SDE2: variants seen among roughly 807,000 people sequenced by gnomAD.
SDE2 encodes splicing regulator SDE2.
Under a neutral mutation model 46.9 loss-of-function variants are expected in SDE2, and 31 were observed. The observed-to-expected ratio is 0.66, with a 90% CI of 0.50 to 0.89. SDE2 has a LOEUF of 0.89. SDE2 is among the 40% of genes least tolerant of loss of function. The pLI is 0.00. For missense variants in SDE2, 542 were observed against 564.4 expected, an observed-to-expected ratio of 0.96 and a Z score of 0.40; for synonymous variants, 205 against 204.3, an observed-to-expected ratio of 1.00 and a Z score of -0.03.
Position 225,991,420 on chromosome 1 carries a change from C to A in SDE2, c.521-57G>T, listed in dbSNP as rs1004042869. The A allele has an allele frequency of 2.9e-6, 4 of 1,397,688 alleles. No homozygotes were observed. In the South Asian group the frequency reaches 3.8e-5, roughly 13 times the overall value. 86.6% of individuals were successfully genotyped at this position (1,397,688 alleles called of 1,614,324 possible). A position where few individuals can be genotyped will look rare whatever the true frequency, so the allele number is the denominator to read the frequency against. On this transcript the variant is annotated intron_variant, in intron 4 of 6. Transcript: ENST00000272091. Reference sequence around the variant, plus strand: ...CTATAGGGACTAAGTTTAAAGAAATCATAAATAACATGGATTGCAAAAAGA... The same window carrying A: ...CTATAGGGACTAAGTTTAAAGAAATAATAAATAACATGGATTGCAAAAAGA...
chr1:225,987,023 G>GA (rs1656283429), intron 6 of SDE2, among the ~76,000 whole-genome samples: 1 of 152,138 alleles, frequency 6.6e-6, no homozygotes, highest in African/African-American at 2.4e-5. Context: ...CTTTTTGAGA[G>GA]AATGTACTAT....
chr1:225,992,341 C>G, intron 4 of SDE2, 57 bp downstream of exon 4: 1 of 1,364,348 alleles, frequency 7.3e-7, no homozygotes, highest in Non-Finnish European at 1.0e-6. Context: ...GTAGAGCAGT[C>G]TGAACAGCTG....
rs552823864 is a variant in SDE2 at position 225,992,439 on chromosome 1, C to T, written c.479G>A (p.Cys160Tyr). ...CFTSPDYQQQCHEMAERLEDS... is the reference protein window; with the variant it reads ...CFTSPDYQQQYHEMAERLEDS... The stretch of plus-strand genomic sequence containing the variant: ...CTCCAGACGCTCAGCCATCTCATGG[C>T]ACTGCTGCTGGTAGTCGGGGCTGGT... The change falls in exon 4 of 7, where the codon TGC (cysteine) becomes TAC (tyrosine). Residue 160 changes from cysteine (C) to tyrosine (Y), a missense_variant. By Grantham distance (194) the Cys-to-Tyr change is radical. This residue lies in a region of SDE2 where 401 missense variants were observed against 437.8 expected (regional missense o/e 0.92). Coordinates refer to ENST00000272091, the MANE Select transcript of SDE2 (RefSeq NM_152608.4). 12 of 1,613,778 alleles carry T rather than the reference C, an allele frequency of 7.4e-6. No individual in the cohort carries two copies. Among genetic ancestry groups the T allele is most frequent in the South Asian group, 1.1e-5 (1 of 91,084 alleles).
intron 2 of SDE2, among the ~76,000 whole-genome samples, chr1:225,993,285 C>T (rs116708868): frequency 1.3e-5 from 2 of 151,956 alleles, no homozygotes; most frequent in Admixed American, 6.6e-5. Context: ...ATTTGCATAC[C>T]GGTATAATAC....
chr1:225,986,250 G>A (rs1656265397), intron 6 of SDE2, among the ~76,000 whole-genome samples: 1 of 151,774 alleles, frequency 6.6e-6, no homozygotes, highest in Non-Finnish European at 1.5e-5. Flanking sequence ...GGAGACTGAG[G>A]CAGGAGAATC....
At chr1:225,998,141 G>A (rs114770505) in intron 1 of SDE2, among the ~76,000 whole-genome samples, 2,631 of 152,082 alleles carry the variant, frequency 0.017, 70 homozygotes, top group African/African-American at 0.06. Context: ...GTGGGGGAGG[G>A]GGAGAAAAGA....
In SDE2 at chr1:225,988,124, C is replaced by T. The variant is rs1656310442; in HGVS notation, c.906G>A (p.Gly302=). ...HILEDSCAEL[G]ESKEHMESRM... is the part of the protein sequence containing the mutation. The stretch of plus-strand genomic sequence containing the variant: ...TGCTTTCCATGTGCTCTTTGGACTC[C>T]CCCAGCTCAGCACATGAGTCTTCTA... The change falls in exon 6 of 7, where the codon GGG becomes GGA. Residue 302 remains glycine, a synonymous_variant. Transcript: ENST00000272091. 2.0e-5 allele frequency: 33 copies of T among 1,614,020 alleles called. No homozygotes were observed. Among genetic ancestry groups the T allele is most frequent in the Non-Finnish European group, 2.7e-5 (32 of 1,180,034 alleles).
intron 2 of SDE2, among the ~76,000 whole-genome samples, chr1:225,994,852 T>C (rs1656486033): frequency 6.6e-6 from 1 of 152,196 alleles, no homozygotes. Context: ...AAAGACAGCC[T>C]GGGCAACATG....
At chr1:225,999,014 A>C (rs1656594155) in intron 1 of SDE2, among the ~76,000 whole-genome samples, 179 bp downstream of exon 1, 1 of 152,122 alleles carries the variant, frequency 6.6e-6, no homozygotes, top group Admixed American at 6.6e-5. Flanking sequence ...ACCACAAAAG[A>C]AAAGCAAAGG....
rs1656410758 is a variant in SDE2, at chr1:225,991,998, G to A, written c.520+400C>T. On this transcript the variant is annotated intron_variant, in intron 4 of 6. Transcript: ENST00000272091. ...GTTTGAGACCAGCCTGGCCAACATG[G>A]TGAAACCCTGACTGTACTAAAAATA... Among the ~76,000 whole-genome samples the A allele has an allele frequency of 2.0e-5, 3 of 152,284 alleles. No individual in the cohort carries two copies. In the South Asian group the frequency reaches 6.2e-4, roughly 32 times the overall value.
At chr1:225,994,686 GA>G (rs376479645) in intron 2 of SDE2, among the ~76,000 whole-genome samples, 2 of 151,846 alleles carry the variant, frequency 1.3e-5, no homozygotes, top group Non-Finnish European at 2.9e-5. Context: ...AGGAGATTTA[GA>G]AAAAAAACTC....
intron 2 of SDE2, among the ~76,000 whole-genome samples, chr1:225,993,488 T>C (rs1656450138): frequency 6.6e-6 from 1 of 152,016 alleles, no homozygotes; most frequent in South Asian, 2.1e-4. Context: ...GGCGGGCGCC[T>C]GTAGTCCCAG....
At position 225,988,892 on chromosome 1, in the gene SDE2, A is replaced by T. The variant is rs1055631674; in HGVS notation, c.642-504T>A. ...GAGACTGGGACCAACTGTCCCAAAG[A>T]TCCAAGAGGATCTCCTTTCTAAAGT... On this transcript the variant is annotated intron_variant, in intron 5 of 6. Transcript: ENST00000272091. 3.3e-5 allele frequency among the ~76,000 whole-genome samples: 5 copies of T among 152,210 alleles called. No individual in the cohort carries two copies. The South Asian group carries it at 1.0e-3, about 32-fold the overall frequency.
Position 225,992,493 on chromosome 1 carries a change from C to T in SDE2, c.425G>A (p.Arg142Gln), listed in dbSNP as rs568129149. 10 of 1,612,762 alleles carry T rather than the reference C, an allele frequency of 6.2e-6. No homozygotes were observed. The highest frequency in any genetic ancestry group is 3.3e-5 in the Admixed American group (2 of 60,010). ...GCAGTGCTTGGGTTCTACAAGCTTC[C>T]GCTGCAGTCGCTCCAGCCGCTTCTG... ...KEQKRLERLQ[R>Q]KLVEPKHCFT... Residue 142 changes from arginine (R) to glutamine (Q), a missense_variant, in exon 4 of 7, where the codon CGG becomes CAG. Arg to Gln is a conservative substitution (Grantham distance 43). Around this residue, in one of 3 missense-constraint regions of SDE2, gnomAD observed 401 missense variants for 437.8 expected, o/e 0.92. Transcript: ENST00000272091.
intron 1 of SDE2, 91 bp downstream of exon 1, chr1:225,999,102 A>G: frequency 9.7e-7 from 1 of 1,035,964 alleles, no homozygotes; most frequent in Non-Finnish European, 1.5e-6. Context: ...CAGAGAATAA[A>G]CGTACCCCCG....
chr1:225,997,735 T>A (rs1366547298), intron 1 of SDE2, among the ~76,000 whole-genome samples: 1 of 152,188 alleles, frequency 6.6e-6, no homozygotes, highest in Non-Finnish European at 1.5e-5. Flanking sequence ...CTGGCCTATA[T>A]TTCTTGCTTC....
intron 1 of SDE2, among the ~76,000 whole-genome samples, chr1:225,997,172 A>G (rs1227336027): frequency 6.6e-6 from 1 of 152,164 alleles, no homozygotes; most frequent in Non-Finnish European, 1.5e-5. Flanking sequence ...CAAAAACAAA[A>G]AACAAAAACT....
At chr1:225,989,835 C>A (rs561071656) in intron 5 of SDE2, among the ~76,000 whole-genome samples, 1 of 151,744 alleles carries the variant, frequency 6.6e-6, no homozygotes, top group East Asian at 1.9e-4. Flanking sequence ...CAGCACTTTG[C>A]GAGGCTGAGG....
chr1:225,992,751 G>T, intron 3 of SDE2, 140 bp downstream of exon 3: 1 of 677,708 alleles, frequency 1.5e-6, no homozygotes. Context: ...TTAAATTATG[G>T]AAAAGGTTAA....
Sources: gnomAD v4.1 joint callset for allele counts (sites outside exome capture counted in the v4.1 genomes callset) on GRCh38, gnomAD v4.1.1 for gene constraint, gnomAD v4.1.1 regional missense constraint, MANE v1.5 for transcripts, NCBI Gene and HGNC (gene_info 2026-07-23, HGNC 2026-07-21) for gene names.